Variants in HLCS observed in about 807,000 individuals in gnomAD.
HLCS encodes the protein holocarboxylase synthetase.
Under a neutral mutation model 75.0 loss-of-function variants are expected in HLCS, and 53 were observed. The ratio of observed to expected loss-of-function variants is 0.71; its 90% CI spans 0.57 to 0.89. The LOEUF is 0.89. Ranked by LOEUF, HLCS falls within the 40% of genes least tolerant of loss-of-function variation. The pLI is 0.00. For missense variants in HLCS, 966 were observed against 1,074.0 expected (o/e 0.90, Z 1.41); for synonymous variants, 431 against 428.6 (o/e 1.01, Z -0.07).
intron 2 of HLCS, among the ~76,000 whole-genome samples, chr21:36,957,558 A>G (rs1440177512): frequency 6.6e-6 from 1 of 152,234 alleles, no homozygotes. Flanking sequence ...CTACTTGATT[A>G]TTTAATTTAT....
chr21:36,790,642 C>T (rs1208971305), intron 6 of HLCS, among the ~76,000 whole-genome samples: 1 of 152,184 alleles, frequency 6.6e-6, no homozygotes, highest in Non-Finnish European at 1.5e-5. Flanking sequence ...GCCTTTCCCA[C>T]GATCTTATGC....
intron 6 of HLCS, among the ~76,000 whole-genome samples, chr21:36,793,211 C>A (rs146667317): frequency 1.3e-5 from 2 of 151,950 alleles, no homozygotes; most frequent in African/African-American, 4.8e-5. Context: ...CTCTACGACC[C>A]CCGCTGCTTA....
intron 8 of HLCS, among the ~76,000 whole-genome samples, chr21:36,764,692 G>A (rs1455929700): frequency 6.6e-6 from 1 of 152,212 alleles, no homozygotes; most frequent in Non-Finnish European, 1.5e-5. Flanking sequence ...GTGACAGAGT[G>A]AGACCCTGTC....
intron 6 of HLCS, among the ~76,000 whole-genome samples, chr21:36,814,918 G>C (rs1387358609): frequency 6.6e-6 from 1 of 152,220 alleles, no homozygotes. Context: ...CGGTGCAATG[G>C]GTGGAGAAGC....
At chr21:36,979,821 C>G (rs983856307) in intron 1 of HLCS, among the ~76,000 whole-genome samples, 1 of 151,922 alleles carries the variant, frequency 6.6e-6, no homozygotes, top group Non-Finnish European at 1.5e-5. Flanking sequence ...CTTTGGGAGG[C>G]AAAAGCGGGC....
intron 5 of HLCS, among the ~76,000 whole-genome samples, chr21:36,904,425 T>C (rs1330196519): frequency 6.6e-6 from 1 of 152,218 alleles, no homozygotes; most frequent in East Asian, 1.9e-4. Flanking sequence ...TGCAGGTTTT[T>C]TTCTTATACT....
At chr21:36,770,141 CTTT>C (rs902358188) in intron 6 of HLCS, among the ~76,000 whole-genome samples, 4 of 103,608 alleles carry the variant, frequency 3.9e-5, no homozygotes, top group South Asian at 3.0e-4. Context: ...ACTATAGATG[CTTT>C]TTTTTTTTTT....
chr21:36,981,391 C>G lies in HLCS; in HGVS notation c.-393+8767G>C, dbSNP rs1319769704. 2.8e-5 allele frequency among the ~76,000 whole-genome samples: 4 copies of G among 142,156 alleles called. No individual in the cohort carries two copies. The South Asian group carries it at 9.1e-4, about 32-fold the overall frequency. The allele number at this position is 142,156 out of a possible 152,430, so 93.3% of individuals were successfully genotyped here. On this transcript the variant is annotated intron_variant, in intron 1 of 11. Transcript: ENST00000336648. ...ATCTATTAATCTATTAACTCTTAAC[C>G]TTCCTTTTTTTTTTTTTTTTTTTTT...
intron 6 of HLCS, among the ~76,000 whole-genome samples, chr21:36,771,037 G>A (rs1421226863): frequency 1.3e-5 from 2 of 151,896 alleles, no homozygotes; most frequent in Non-Finnish European, 2.9e-5. Context: ...GGCTAACACG[G>A]TGAAACCCCG....
At chr21:36,881,582 C>A (rs2064217685) in intron 6 of HLCS, among the ~76,000 whole-genome samples, 1 of 152,196 alleles carries the variant, frequency 6.6e-6, no homozygotes, top group Non-Finnish European at 1.5e-5. Flanking sequence ...CTGCAGGAGG[C>A]AGAGAGAACT....
chr21:36,797,705 GAGA>G (rs1482565703), intron 6 of HLCS, among the ~76,000 whole-genome samples: 1 of 152,212 alleles, frequency 6.6e-6, no homozygotes, highest in Non-Finnish European at 1.5e-5. Context: ...AAGAAAAATT[GAGA>G]AGGCTAATGG....
intron 6 of HLCS, among the ~76,000 whole-genome samples, chr21:36,813,317 T>A (rs986140619): frequency 6.6e-6 from 1 of 152,198 alleles, no homozygotes; most frequent in Non-Finnish European, 1.5e-5. Flanking sequence ...TTTCCTGTAA[T>A]AATCTCACTC....
intron 6 of HLCS, among the ~76,000 whole-genome samples, chr21:36,771,112 C>A (rs1309461091): frequency 2.0e-5 from 3 of 151,852 alleles, no homozygotes; most frequent in South Asian, 2.1e-4. Context: ...CCCAGCTACT[C>A]GGGAGGCTGA....
chr21:36,923,414 C>T (rs568128709), intron 5 of HLCS, among the ~76,000 whole-genome samples: 6 of 152,138 alleles, frequency 3.9e-5, no homozygotes, highest in Non-Finnish European at 5.9e-5. Context: ...AAGAAAACCA[C>T]GCTTCTTAGA....
At chr21:36,972,006 G>C (rs1313707112) in intron 1 of HLCS, 1 of 152,112 alleles carries the variant, frequency 6.6e-6, no homozygotes. Flanking sequence ...TCTTCCTTTA[G>C]AAGGTTGTTT....
intron 6 of HLCS, among the ~76,000 whole-genome samples, chr21:36,875,524 G>C (rs924172990): frequency 1.3e-5 from 2 of 152,160 alleles, no homozygotes; most frequent in Non-Finnish European, 2.9e-5. Context: ...TCTTCGCTGA[G>C]AGCCAGACAG....
chr21:36,962,974 C>T (rs1039417439), intron 1 of HLCS, among the ~76,000 whole-genome samples: 2 of 152,152 alleles, frequency 1.3e-5, no homozygotes, highest in African/African-American at 4.8e-5. Flanking sequence ...GCTCCTCTCC[C>T]GGAGATCTGG....
At chr21:36,946,030 C>A (rs915657141) in intron 2 of HLCS, 1 of 783,992 alleles carries the variant, frequency 1.3e-6, no homozygotes, top group African/African-American at 1.9e-5. Flanking sequence ...ACTGGGAGCA[C>A]TAAAAGGGAT....
intron 5 of HLCS, among the ~76,000 whole-genome samples, chr21:36,919,721 G>C (rs1452929155): frequency 6.6e-6 from 1 of 152,164 alleles, no homozygotes. Context: ...TAAATTAACA[G>C]TAAAATTAGA....
Sources: allele counts gnomAD v4.1 joint callset (sites outside exome capture counted in the v4.1 genomes callset), GRCh38; gene constraint gnomAD v4.1.1; transcripts MANE v1.5; gene names NCBI Gene and HGNC (gene_info 2026-07-23, HGNC 2026-07-21).